Variants in TASP1 observed in about 807,000 individuals in gnomAD.
The protein encoded by TASP1 is threonine aspartase 1.
Under a neutral mutation model 56.6 loss-of-function variants are expected in TASP1, and 16 were observed. The ratio of observed to expected loss-of-function variants is 0.28; its 90% CI spans 0.19 to 0.43. The LOEUF (loss-of-function observed/expected upper bound fraction) is 0.43. Among genes scored for constraint, TASP1 ranks in the 20% least tolerant of loss-of-function variants. TASP1 has a pLI of 1.00. For missense variants in TASP1, 393 were observed against 511.6 expected, an observed-to-expected ratio of 0.77 and a Z score of 2.24; for synonymous variants, 179 against 184.2, an observed-to-expected ratio of 0.97 and a Z score of 0.23.
At chr20:13,307,196 T>C in the TASP1 span, among the ~76,000 whole-genome samples, 123,281 of 151,870 alleles carry the variant, frequency 0.81, 50,068 homozygotes, top group East Asian at 0.87. Context: ...CCCCACAGCA[T>C]TCCTCCCATC....
chr20:13,214,562 C>G, the TASP1 span, among the ~76,000 whole-genome samples: 36,131 of 108,562 alleles, frequency 0.33, 7,346 homozygotes, highest in African/African-American at 0.6. Flanking sequence ...CACACACACA[C>G]AGAGAGAGAG....
chr20:13,633,844 AC>A (rs1322291783), intron 1 of TASP1, among the ~76,000 whole-genome samples: 3 of 152,166 alleles, frequency 2.0e-5, no homozygotes, highest in African/African-American at 4.8e-5. Flanking sequence ...AAAAAAAAAA[AC>A]TTCTATCAAT....
At chr20:13,605,649 A>T (rs1199972613) in intron 4 of TASP1, among the ~76,000 whole-genome samples, 1 of 152,178 alleles carries the variant, frequency 6.6e-6, no homozygotes. Flanking sequence ...ACTGCGCTCC[A>T]GCCTGGGCAA....
the TASP1 span, among the ~76,000 whole-genome samples, chr20:13,154,736 T>A: frequency 6.6e-6 from 1 of 152,224 alleles, no homozygotes; most frequent in East Asian, 1.9e-4. Flanking sequence ...GGGGGTTGTT[T>A]ACTTGATTGC....
Position 13,598,446 on chromosome 20 carries a change from T to C in TASP1, c.283-11076A>G, listed in dbSNP as rs559212648. Among the ~76,000 whole-genome samples, 3 of 152,324 alleles carry C rather than the reference T, an allele frequency of 2.0e-5. No homozygotes were observed. The South Asian group carries it at 6.2e-4, about 32-fold the overall frequency. On this transcript the variant is annotated intron_variant, in intron 4 of 13. Transcript: ENST00000337743. ...AAGAAATGGGGAAATGATTCCCTATTTAATAAATGGTGCTGGGAAAACTGG... is the reference window on the plus strand; with the variant it reads ...AAGAAATGGGGAAATGATTCCCTATCTAATAAATGGTGCTGGGAAAACTGG...
chr20:13,191,806 T>G, the TASP1 span, among the ~76,000 whole-genome samples: 1 of 152,216 alleles, frequency 6.6e-6, no homozygotes, highest in Admixed American at 6.5e-5. Context: ...TTGCCTTGAT[T>G]TGATCACCAC....
chr20:13,277,643 CTTT>C, the TASP1 span, among the ~76,000 whole-genome samples: 6 of 145,700 alleles, frequency 4.1e-5, no homozygotes, highest in Non-Finnish European at 3.0e-5. Context: ...CCCCCCTACC[CTTT>C]TTTTTTTTTT....
intron 4 of TASP1, among the ~76,000 whole-genome samples, chr20:13,600,286 T>C (rs1035409596): frequency 2.0e-5 from 3 of 152,250 alleles, no homozygotes; most frequent in African/African-American, 4.8e-5. Flanking sequence ...CTTATGTAAA[T>C]GCAAAGGAAC....
chr20:13,382,638 C>T, the TASP1 span, among the ~76,000 whole-genome samples: 1 of 152,136 alleles, frequency 6.6e-6, no homozygotes, highest in African/African-American at 2.4e-5. Flanking sequence ...AGAGGGAGAC[C>T]TTGTCTCAAA....
At chr20:13,603,279 T>C (rs1288525370) in intron 4 of TASP1, among the ~76,000 whole-genome samples, 1 of 151,916 alleles carries the variant, frequency 6.6e-6, no homozygotes, top group Non-Finnish European at 1.5e-5. Context: ...GACTCACACC[T>C]GTAATCCTAA....
chr20:13,482,909 C>A (rs2146511516), intron 11 of TASP1, among the ~76,000 whole-genome samples: 1 of 152,294 alleles, frequency 6.6e-6, no homozygotes, highest in African/African-American at 2.4e-5. Context: ...CTATTCATGA[C>A]TCATTTCTCA....
the TASP1 span, chr20:13,154,284 C>G: frequency 0.69 from 673,227 of 972,656 alleles, 234,601 homozygotes; most frequent in South Asian, 0.72. Flanking sequence ...CCACCTGTCA[C>G]TCTATCAGCT....
At chr20:13,392,907 G>A (rs2041345629) in intron 13 of TASP1, 5 of 643,792 alleles carry the variant, frequency 7.8e-6, no homozygotes, top group Middle Eastern at 4.6e-4. Flanking sequence ...GCATCTTTCA[G>A]GAGTGAGATC....
the TASP1 span, among the ~76,000 whole-genome samples, chr20:13,259,065 C>T: frequency 6.6e-6 from 1 of 152,026 alleles, no homozygotes; most frequent in East Asian, 1.9e-4. Context: ...GGTGGATCAC[C>T]TGAGGTCAGG....
chr20:13,444,682 A>G lies in TASP1; in HGVS notation c.986-9528T>C, dbSNP rs75304904. Among the ~76,000 whole-genome samples the G allele has an allele frequency of 8.2e-3, 1,250 of 152,322 alleles. 18 individuals are homozygous for G. The highest frequency in any genetic ancestry group is 0.028 in the African/African-American group (1,179 of 41,576). On this transcript the variant is annotated intron_variant, in intron 11 of 13. Transcript: ENST00000337743. ...GTCCTATAAGATGTATATTAAGTTA[A>G]CTGCATTCTACCATTTGCTGCTCCT... is the stretch of plus-strand genomic sequence containing the variant.
the TASP1 span, among the ~76,000 whole-genome samples, chr20:13,268,134 CTCT>C: frequency 2.0e-5 from 3 of 150,236 alleles, no homozygotes; most frequent in African/African-American, 7.4e-5. Context: ...CTCTTCTCTT[CTCT>C]TCTCTTCTCT....
chr20:13,238,694 T>A, the TASP1 span, among the ~76,000 whole-genome samples: 1 of 152,228 alleles, frequency 6.6e-6, no homozygotes, highest in Non-Finnish European at 1.5e-5. Flanking sequence ...TGTTTTTGGC[T>A]TCACATGGAG....
At chr20:13,597,223 C>T (rs907948867) in intron 4 of TASP1, among the ~76,000 whole-genome samples, 3 of 152,152 alleles carry the variant, frequency 2.0e-5, no homozygotes, top group African/African-American at 7.2e-5. Flanking sequence ...GGCGGAGACA[C>T]AACAGAAGAA....
chr20:13,571,881 G>A (rs2046727902), intron 6 of TASP1, among the ~76,000 whole-genome samples: 1 of 152,018 alleles, frequency 6.6e-6, no homozygotes, highest in African/African-American at 2.4e-5. Context: ...CAGCCTCAGG[G>A]TCTTCACCCT....
Sources: allele counts gnomAD v4.1 joint callset (sites outside exome capture counted in the v4.1 genomes callset), GRCh38; gene constraint gnomAD v4.1.1; transcripts MANE v1.5; gene names NCBI Gene and HGNC (gene_info 2026-07-23, HGNC 2026-07-21).